The following HAVCR1 variants were observed in gnomAD, a reference collection of about 807,000 sequenced individuals.
HAVCR1 encodes T cell immunoglobin domain and mucin domain protein 1.
Under a neutral mutation model 32.0 loss-of-function variants are expected in HAVCR1, and 34 were observed. The observed-to-expected ratio is 1.06, with a 90% CI of 0.81 to 1.42. The LOEUF is 1.42. Ranked by LOEUF, HAVCR1 falls within the 40% of genes most tolerant of loss-of-function variation. The probability of loss-of-function intolerance (pLI) is 0.00; values close to 1 mark genes in which losing one functional copy is unlikely to be tolerated. For synonymous variants in HAVCR1, 178 were observed against 170.3 expected (o/e 1.05, Z -0.35); for missense variants, 420 against 442.3 (o/e 0.95, Z 0.45).
the HAVCR1 span, among the ~76,000 whole-genome samples, chr5:157,069,309 C>T: frequency 1.3e-5 from 2 of 152,180 alleles, no homozygotes; most frequent in Non-Finnish European, 2.9e-5. Flanking sequence ...GTCCAAGCAA[C>T]TATATCCTGA....
chr5:157,053,812 G>C (rs1042679263), intron 3 of HAVCR1, among the ~76,000 whole-genome samples: 1 of 151,886 alleles, frequency 6.6e-6, no homozygotes, highest in South Asian at 2.1e-4. Flanking sequence ...AGAGGTTGCA[G>C]TGAGCTGAGA....
chr5:157,029,429 C>A lies in HAVCR1; in HGVS notation c.*304G>T. The A allele has an allele frequency of 1.6e-6, 1 of 613,790 alleles. No homozygotes were observed. Among genetic ancestry groups the A allele is most frequent in the Middle Eastern group, 4.4e-4 (1 of 2,274 alleles). The allele number at this position is 613,790 out of a possible 1,614,324, so 38.0% of individuals were successfully genotyped here. ...CAGGGACTATTCTCTTTGATGTATACAGGATTTATGGGGTCTAAAAAGAAC... is the reference window on the plus strand; with the variant it reads ...CAGGGACTATTCTCTTTGATGTATAAAGGATTTATGGGGTCTAAAAAGAAC... On this transcript the variant is annotated 3_prime_UTR_variant, in exon 9 of 9. Transcript: ENST00000523175.
chr5:157,049,439 C>T (rs1433702378), intron 4 of HAVCR1, among the ~76,000 whole-genome samples: 1 of 152,202 alleles, frequency 6.6e-6, no homozygotes, highest in African/African-American at 2.4e-5. Flanking sequence ...ATACGATTAT[C>T]TCAAACTTTC....
chr5:157,057,386 GGAAAGAAA>G (rs544010943), intron 2 of HAVCR1, among the ~76,000 whole-genome samples: 14,276 of 78,884 alleles, frequency 0.18, 1,433 homozygotes, highest in East Asian at 0.22. Context: ...GAGAGAGAGA[GGAAAGAAA>G]GAAAGAAAGA....
chr5:157,066,055 T>TAAAAAAAAAAAAAAAAAAAAAAAAA, the HAVCR1 span, among the ~76,000 whole-genome samples: 20 of 66,894 alleles, frequency 3.0e-4, no homozygotes, highest in Non-Finnish European at 4.7e-4. Flanking sequence ...GACTCCGTCT[T>TAAAAAAAAAAAAAAAAAAAAAAAAA]AAAAAAAAAA....
At chr5:157,050,806 C>T (rs901396443) in intron 4 of HAVCR1, among the ~76,000 whole-genome samples, 1 of 152,168 alleles carries the variant, frequency 6.6e-6, no homozygotes, top group African/African-American at 2.4e-5. Flanking sequence ...ACTTTTATGG[C>T]TCTAAAATCC....
At chr5:157,057,406 A>T (rs1425985306) in intron 2 of HAVCR1, among the ~76,000 whole-genome samples, 1 of 102,284 alleles carries the variant, frequency 9.8e-6, no homozygotes, top group Non-Finnish European at 2.3e-5. Context: ...AAAGAAAGAA[A>T]GAAAGAAAGA....
intron 5 of HAVCR1, among the ~76,000 whole-genome samples, chr5:157,046,636 C>T (rs1755412546): frequency 6.6e-6 from 1 of 152,104 alleles, no homozygotes; most frequent in African/African-American, 2.4e-5. Flanking sequence ...AAATTTATTG[C>T]TCACAGTTCG....
intron 8 of HAVCR1, among the ~76,000 whole-genome samples, chr5:157,030,093 G>A (rs534181295): frequency 4.7e-4 from 72 of 152,150 alleles, no homozygotes; most frequent in Non-Finnish European, 8.7e-4. Flanking sequence ...ACTCAGACTG[G>A]TCTCTTTGAA....
intron 4 of HAVCR1, among the ~76,000 whole-genome samples, 191 bp downstream of exon 4, chr5:157,052,170 A>G (rs1420562585): frequency 6.6e-6 from 1 of 152,202 alleles, no homozygotes; most frequent in South Asian, 2.1e-4. Flanking sequence ...CCTCACTCCA[A>G]AAATGCTCAT....
intron 5 of HAVCR1, among the ~76,000 whole-genome samples, chr5:157,047,008 G>T (rs1313812117): frequency 1.3e-5 from 2 of 152,144 alleles, no homozygotes; most frequent in Non-Finnish European, 2.9e-5. Flanking sequence ...TACATATATA[G>T]ATAGATAGAG....
At chr5:157,067,043 G>A in the HAVCR1 span, among the ~76,000 whole-genome samples, 1 of 152,192 alleles carries the variant, frequency 6.6e-6, no homozygotes, top group South Asian at 2.1e-4. Flanking sequence ...CAGTAAGGAT[G>A]GGGAAGAGGT....
intron 5 of HAVCR1, among the ~76,000 whole-genome samples, chr5:157,044,676 A>AGAAAGGAGGAAAGAAGGGAGGGAG (rs142603344): frequency 9.1e-6 from 1 of 109,454 alleles, no homozygotes; most frequent in Non-Finnish European, 2.0e-5. Flanking sequence ...AAAGAAAGAA[A>AGAAAGGAGGAAAGAAGGGAGGGAG]GGAGGGAGGG....
At chr5:157,046,422 A>G (rs1401866599) in intron 5 of HAVCR1, among the ~76,000 whole-genome samples, 1 of 152,226 alleles carries the variant, frequency 6.6e-6, no homozygotes, top group Non-Finnish European at 1.5e-5. Flanking sequence ...ACAAGGAAAG[A>G]CAGGTCAATT....
chr5:157,065,623 G>A, the HAVCR1 span, among the ~76,000 whole-genome samples: 38 of 152,304 alleles, frequency 2.5e-4, no homozygotes, highest in East Asian at 6.6e-3. Flanking sequence ...AGGAGACCAA[G>A]GCAGGCTGAT....
chr5:157,063,863 C>T (rs747218671), upstream of HAVCR1, among the ~76,000 whole-genome samples: 45 of 152,166 alleles, frequency 3.0e-4, no homozygotes, highest in Non-Finnish European at 4.3e-4. Flanking sequence ...AGACAGCAAA[C>T]GCTTTCCATG....
chr5:157,058,564 CA>C (rs957249413), intron 1 of HAVCR1: 11 of 151,738 alleles, frequency 7.2e-5, no homozygotes, highest in African/African-American at 2.7e-4. Flanking sequence ...GACTCCGTCT[CA>C]AAAAACAAAA....
intron 5 of HAVCR1, among the ~76,000 whole-genome samples, chr5:157,047,147 A>C (rs1419870928): frequency 6.6e-6 from 1 of 152,170 alleles, no homozygotes; most frequent in Non-Finnish European, 1.5e-5. Context: ...CTGACAAGGC[A>C]GAACTTTAAT....
chr5:157,043,190 T>TG (rs747408356), intron 5 of HAVCR1, among the ~76,000 whole-genome samples: 2 of 152,342 alleles, frequency 1.3e-5, no homozygotes, highest in Middle Eastern at 3.4e-3. Flanking sequence ...ATAACTCCTG[T>TG]GTTGTTGCCG....
Sources: gnomAD v4.1 joint callset for allele counts (sites outside exome capture counted in the v4.1 genomes callset) on GRCh38, gnomAD v4.1.1 for gene constraint, MANE v1.5 for transcripts, NCBI Gene and HGNC (gene_info 2026-07-23, HGNC 2026-07-21) for gene names.